The following ASB15 variants were observed in gnomAD, a reference collection of about 807,000 sequenced individuals.
ASB15 encodes the protein ankyrin repeat and SOCS box containing 15.
ASB15 carries 54 observed loss-of-function variants against 58.0 expected under a neutral mutation model. The observed-to-expected ratio is 0.93, with a 90% CI of 0.75 to 1.17. The LOEUF (loss-of-function observed/expected upper bound fraction) is 1.17, where lower values mean the gene tolerates loss of function less well. ASB15 is among the 50% of genes most tolerant of loss of function. ASB15 has a pLI of 0.00. For synonymous variants in ASB15, 249 were observed against 262.4 expected (o/e 0.95, Z 0.50); for missense variants, 680 against 707.4 (o/e 0.96, Z 0.44).
chr7:123,637,080 T>A lies in ASB15; in HGVS notation c.*99T>A. The A allele has an allele frequency of 1.2e-6, 1 of 830,970 alleles. No individual in the cohort carries two copies. Among genetic ancestry groups the A allele is most frequent in the Non-Finnish European group, 1.8e-6 (1 of 542,488 alleles). The allele number at this position is 830,970 out of a possible 1,614,324, so 51.5% of individuals were successfully genotyped here. A position where few individuals can be genotyped will look rare whatever the true frequency, so the allele number is the denominator to read the frequency against. ...TACATCCTTAATTGTAAAGTGTATT[T>A]AAATTCATTGACAGTTTTATAGGTT... is the stretch of plus-strand genomic sequence containing the variant. On this transcript the variant is annotated 3_prime_UTR_variant, in exon 12 of 12. Coordinates refer to ENST00000451215, the MANE Select transcript of ASB15 (RefSeq NM_001290258.2).
intron 1 of ASB15, among the ~76,000 whole-genome samples, chr7:123,569,305 A>T (rs1043041749): frequency 6.6e-6 from 1 of 152,218 alleles, no homozygotes; most frequent in Non-Finnish European, 1.5e-5. Context: ...GGGAAGAAAC[A>T]TAACAACCAA....
chr7:123,619,978 T>C (rs903120687), intron 7 of ASB15: 1 of 152,240 alleles, frequency 6.6e-6, no homozygotes, highest in African/African-American at 2.4e-5. Flanking sequence ...TAAACAAGAA[T>C]GGCTTAAAGA....
At chr7:123,635,563 T>C (rs1279444009) in intron 11 of ASB15, among the ~76,000 whole-genome samples, 1 of 150,548 alleles carries the variant, frequency 6.6e-6, no homozygotes, top group Non-Finnish European at 1.5e-5. Flanking sequence ...TAGACTTTGC[T>C]TTTAAATGGA....
intron 7 of ASB15, among the ~76,000 whole-genome samples, chr7:123,620,771 C>G (rs1801269789): frequency 6.6e-6 from 1 of 150,538 alleles, no homozygotes; most frequent in Non-Finnish European, 1.5e-5. Flanking sequence ...ACCATGTTAG[C>G]TAGGATGGTC....
At chr7:123,620,530 ATATATATATATATATATATATATATTTT>A (rs1562933254) in intron 7 of ASB15, among the ~76,000 whole-genome samples, 9 of 16,130 alleles carry the variant, frequency 5.6e-4, no homozygotes, top group Admixed American at 6.3e-4. Flanking sequence ...ATATATATAT[ATATATATATATATATATATATATATTTT>A]TTTTTTTTTT....
rs1802504771 is a variant in ASB15 at position 123,637,885 on chromosome 7, A to AAAAAAAAAAAAAAAAAAAC, written c.*919_*920insAAACAAAAAAAAAAAAAAA. The AAAAAAAAAAAAAAAAAAAC allele has an allele frequency of 6.7e-6, 1 of 148,294 alleles. No individual in the cohort carries two copies. Among genetic ancestry groups the AAAAAAAAAAAAAAAAAAAC allele is most frequent in the South Asian group, 2.2e-4 (1 of 4,492 alleles). 9.2% of individuals were successfully genotyped at this position (148,294 alleles called of 1,614,324 possible). ...ACATGTCCCCAGATGAACTAAAAAAAAAAAAAAAAAAAAAACCTCTTTCCC... is the reference window on the plus strand; with the variant it reads ...ACATGTCCCCAGATGAACTAAAAAAAAAAAAAAAAAAAAAAAAACAAAAAAAAAAAAAAACCTCTTTCCC... On this transcript the variant is annotated 3_prime_UTR_variant, in exon 12 of 12. Transcript: ENST00000451215.
chr7:123,612,802 C>T (rs1800543040), intron 3 of ASB15, among the ~76,000 whole-genome samples: 1 of 152,150 alleles, frequency 6.6e-6, no homozygotes, highest in African/African-American at 2.4e-5. Context: ...TTATTCAACA[C>T]ATATTTAGAG....
At position 123,628,862 on chromosome 7, in the gene ASB15, A is replaced by T. The variant is rs1407892711; in HGVS notation, c.870-2A>T. On this transcript the variant is annotated splice_acceptor_variant, in intron 9 of 11. Coordinates refer to ENST00000451215, the MANE Select transcript of ASB15 (RefSeq NM_001290258.2). LOFTEE classifies it high-confidence loss of function. The stretch of plus-strand genomic sequence containing the variant: ...AGTAGATATTTGACTTTTTTCTTTT[A>T]GTGCACTGAAATATCTTATCCCAGT... 1 of 1,499,746 alleles carries T rather than the reference A, an allele frequency of 6.7e-7. No homozygotes were observed. Among genetic ancestry groups the T allele is most frequent in the Non-Finnish European group, 8.9e-7 (1 of 1,119,734 alleles). The allele number at this position is 1,499,746 out of a possible 1,614,324, so 92.9% of individuals were successfully genotyped here. A position where few individuals can be genotyped will look rare whatever the true frequency, so the allele number is the denominator to read the frequency against.
intron 1 of ASB15, among the ~76,000 whole-genome samples, chr7:123,594,349 G>A (rs1020541223): frequency 3.3e-5 from 5 of 152,112 alleles, no homozygotes; most frequent in African/African-American, 1.2e-4. Flanking sequence ...TCCTTTGGAG[G>A]AGAAGAGGCA....
At chr7:123,582,147 C>T (rs1799250755) in intron 1 of ASB15, among the ~76,000 whole-genome samples, 1 of 151,952 alleles carries the variant, frequency 6.6e-6, no homozygotes, top group South Asian at 2.1e-4. Flanking sequence ...ACCTAAAATG[C>T]TCCTGTGGCT....
In ASB15 at chr7:123,616,251, AC is replaced by A; in HGVS notation, c.139del (p.Val48TrpfsTer4). ...FVPLSAQNRK[L>X]VEAIKQGHIP... ...TACCCCTAAGTGCTCAAAACAGAAA[AC>A]TTGTGGAGGCCATAAAACAAGGTAA... On this transcript the variant is annotated frameshift_variant, in exon 5 of 12. Coordinates refer to ENST00000451215, the MANE Select transcript of ASB15 (RefSeq NM_001290258.2). LOFTEE classifies it high-confidence loss of function. 1 of 1,608,506 alleles carries A rather than the reference AC, an allele frequency of 6.2e-7. No individual in the cohort carries two copies. Among genetic ancestry groups the A allele is most frequent in the South Asian group, 1.1e-5 (1 of 90,928 alleles).
chr7:123,592,075 G>A (rs1799555029), intron 1 of ASB15, among the ~76,000 whole-genome samples: 1 of 152,080 alleles, frequency 6.6e-6, no homozygotes, highest in African/African-American at 2.4e-5. Flanking sequence ...AGATATTTTA[G>A]TTTATTTCTG....
intron 2 of ASB15, among the ~76,000 whole-genome samples, chr7:123,607,206 G>A (rs1397596713): frequency 6.6e-6 from 1 of 152,110 alleles, no homozygotes; most frequent in Non-Finnish European, 1.5e-5. Flanking sequence ...AAAGTTGGGG[G>A]AAAAATCCAT....
intron 11 of ASB15, among the ~76,000 whole-genome samples, chr7:123,633,727 T>C (rs1244570077): frequency 2.0e-5 from 3 of 152,156 alleles, no homozygotes; most frequent in Non-Finnish European, 4.4e-5. Context: ...GATTTTGGCC[T>C]GGAAATGCCA....
chr7:123,595,052 C>T (rs952036356), intron 1 of ASB15, among the ~76,000 whole-genome samples: 14 of 152,194 alleles, frequency 9.2e-5, no homozygotes, highest in African/African-American at 3.4e-4. Flanking sequence ...CATCCCAGGT[C>T]GATCTCAGAC....
intron 1 of ASB15, among the ~76,000 whole-genome samples, chr7:123,589,218 A>G (rs1011833610): frequency 1.3e-5 from 2 of 151,630 alleles, no homozygotes; most frequent in African/African-American, 4.8e-5. Context: ...AGGTGCTCTG[A>G]TGTTGGGTGC....
intron 1 of ASB15, among the ~76,000 whole-genome samples, chr7:123,576,631 G>T (rs1036878773): frequency 2.0e-5 from 3 of 152,084 alleles, no homozygotes; most frequent in African/African-American, 7.2e-5. Context: ...CGGCTTCTCT[G>T]AGCCAAATTA....
intron 1 of ASB15, among the ~76,000 whole-genome samples, chr7:123,581,931 T>C (rs1283847365): frequency 6.6e-6 from 1 of 152,050 alleles, no homozygotes; most frequent in East Asian, 1.9e-4. Flanking sequence ...AGCAAATGGA[T>C]TGACTAGCAA....
chr7:123,596,928 T>A (rs1211687006), upstream of ASB15, among the ~76,000 whole-genome samples: 2 of 152,198 alleles, frequency 1.3e-5, no homozygotes, highest in Non-Finnish European at 2.9e-5. Flanking sequence ...TGATTATAAT[T>A]AGGCTTGGTT....
Sources: gnomAD v4.1 joint callset for allele counts (sites outside exome capture counted in the v4.1 genomes callset) on GRCh38, gnomAD v4.1.1 for gene constraint, MANE v1.5 for transcripts, NCBI Gene and HGNC (gene_info 2026-07-23, HGNC 2026-07-21) for gene names.